SRBD1: variants seen among roughly 807,000 people sequenced by gnomAD.
The protein encoded by SRBD1 is S1 RNA binding domain 1, also known as S1 RNA-binding domain-containing protein 1.
A neutral mutation model predicts 115.3 loss-of-function variants in SRBD1; 88 were observed. The ratio of observed to expected loss-of-function variants is 0.76; its 90% CI spans 0.64 to 0.91. The LOEUF (loss-of-function observed/expected upper bound fraction) is 0.91, where lower values mean the gene tolerates loss of function less well. Ranked by LOEUF, SRBD1 falls within the 40% of genes least tolerant of loss-of-function variation. The pLI, the probability that SRBD1 is intolerant of heterozygous loss-of-function variation, is 0.00. For missense variants in SRBD1, 1,385 were observed against 1,177.4 expected (o/e 1.18, Z -2.58); for synonymous variants, 509 against 407.7 (o/e 1.25, Z -2.99).
At chr2:45,422,967 G>A (rs781400572) in intron 16 of SRBD1, among the ~76,000 whole-genome samples, 1 of 152,166 alleles carries the variant, frequency 6.6e-6, no homozygotes, top group Non-Finnish European at 1.5e-5. Context: ...TGGAAGTGTT[G>A]ATAGTGACAA....
intron 16 of SRBD1, among the ~76,000 whole-genome samples, chr2:45,466,173 G>C (rs1669481528): frequency 6.6e-6 from 1 of 152,136 alleles, no homozygotes; most frequent in Non-Finnish European, 1.5e-5. Context: ...TGTGTTGAGG[G>C]AGCAGTTAGC....
intron 16 of SRBD1, among the ~76,000 whole-genome samples, chr2:45,420,803 A>AGAT (rs1337802010): frequency 1.3e-5 from 2 of 152,212 alleles, no homozygotes; most frequent in African/African-American, 4.8e-5. Context: ...TTCAAGCTTC[A>AGAT]GATGCACATT....
chr2:45,571,216 T>A (rs943361024), intron 9 of SRBD1, among the ~76,000 whole-genome samples: 1 of 152,068 alleles, frequency 6.6e-6, no homozygotes, highest in African/African-American at 2.4e-5. Context: ...AGTGCCAATC[T>A]GCAAAGTCTG....
Position 45,605,417 on chromosome 2 carries a change from T to C in SRBD1, c.25A>G (p.Lys9Glu), listed in dbSNP as rs768532683. The C allele has an allele frequency of 2.5e-6, 4 of 1,613,692 alleles. No homozygotes were observed. Among genetic ancestry groups the C allele is most frequent in the Non-Finnish European group, 3.4e-6 (4 of 1,180,004 alleles). The change falls in exon 2 of 21, where the codon AAA becomes GAA. Residue 9 changes from lysine (K) to glutamate (E), a missense_variant. Lys to Glu is a moderately conservative substitution (Grantham distance 56). Transcript: ENST00000263736. Reference sequence around the variant, plus strand: ...AGTACCACATCCTGGACCTGTACTTTCGCTCTTCTTGGCAATGATGACATC... The same window carrying C: ...AGTACCACATCCTGGACCTGTACTTCCGCTCTTCTTGGCAATGATGACATC... MSSLPRRA[K>E]VQVQDVVLKD...
At chr2:45,394,357 T>C (rs1057073135) in intron 19 of SRBD1, among the ~76,000 whole-genome samples, 5 of 152,178 alleles carry the variant, frequency 3.3e-5, no homozygotes, top group African/African-American at 1.2e-4. Flanking sequence ...TGACATTCCT[T>C]GGCTGGGTAT....
At chr2:45,576,791 T>C (rs1346591954) in intron 7 of SRBD1, among the ~76,000 whole-genome samples, 1 of 152,114 alleles carries the variant, frequency 6.6e-6, no homozygotes, top group East Asian at 1.9e-4. Context: ...GATAACTCAA[T>C]AGTAAAGATG....
At chr2:45,409,515 C>CAA (rs59849294) in intron 19 of SRBD1, among the ~76,000 whole-genome samples, 18,159 of 117,602 alleles carry the variant, frequency 0.15, 1,476 homozygotes, top group African/African-American at 0.26. Context: ...TTGCAATAGG[C>CAA]AAAAAAAAAA....
At chr2:45,491,759 T>G (rs749738993) in intron 14 of SRBD1, among the ~76,000 whole-genome samples, 12 of 152,182 alleles carry the variant, frequency 7.9e-5, no homozygotes, top group Non-Finnish European at 1.3e-4. Context: ...ACCTACAATA[T>G]CAACGCATTC....
intron 16 of SRBD1, among the ~76,000 whole-genome samples, chr2:45,438,424 G>A (rs1387394379): frequency 1.3e-5 from 2 of 152,112 alleles, no homozygotes; most frequent in African/African-American, 4.8e-5. Context: ...AACCAAACTA[G>A]GATGACCCAG....
intron 16 of SRBD1, among the ~76,000 whole-genome samples, chr2:45,473,070 C>T (rs1572679008): frequency 2.0e-5 from 3 of 151,542 alleles, no homozygotes; most frequent in South Asian, 4.2e-4. Context: ...CTTTTAAATA[C>T]CTATTACTTA....
intron 14 of SRBD1, among the ~76,000 whole-genome samples, chr2:45,502,232 A>T (rs1164289843): frequency 6.6e-6 from 1 of 152,198 alleles, no homozygotes; most frequent in African/African-American, 2.4e-5. Flanking sequence ...AAGGGTCCTG[A>T]CTGTTAAAAG....
At chr2:45,537,477 T>C (rs1671799860) in intron 14 of SRBD1, among the ~76,000 whole-genome samples, 1 of 152,182 alleles carries the variant, frequency 6.6e-6, no homozygotes, top group Non-Finnish European at 1.5e-5. Context: ...ACTGTGCCTG[T>C]AACATAGTCT....
chr2:45,436,322 C>A (rs945007035), intron 16 of SRBD1, among the ~76,000 whole-genome samples: 18 of 152,068 alleles, frequency 1.2e-4, no homozygotes, highest in Non-Finnish European at 7.4e-5. Flanking sequence ...TGGTAAGAAA[C>A]CAGAATATTT....
chr2:45,519,429 C>T (rs1352783129), intron 14 of SRBD1, among the ~76,000 whole-genome samples: 2 of 152,116 alleles, frequency 1.3e-5, no homozygotes, highest in African/African-American at 4.8e-5. Flanking sequence ...GTTCATCTGG[C>T]CTGTTAACGC....
chr2:45,493,324 T>C (rs769501071), intron 14 of SRBD1, among the ~76,000 whole-genome samples: 2 of 152,198 alleles, frequency 1.3e-5, no homozygotes, highest in Non-Finnish European at 2.9e-5. Context: ...ATCAAAAGAA[T>C]AGCTGTTTGT....
chr2:45,519,176 A>C (rs528351765), intron 14 of SRBD1, among the ~76,000 whole-genome samples: 1 of 152,302 alleles, frequency 6.6e-6, no homozygotes, highest in East Asian at 1.9e-4. Flanking sequence ...AGGGCACTAA[A>C]AAAGAAAACA....
At chr2:45,487,764 C>T (rs761404926) in intron 15 of SRBD1, among the ~76,000 whole-genome samples, 9 of 152,132 alleles carry the variant, frequency 5.9e-5, no homozygotes, top group Non-Finnish European at 8.8e-5. Context: ...AAGCAATTCC[C>T]TGTCTCAGCC....
chr2:45,399,876 T>C (rs1168231428), intron 19 of SRBD1, among the ~76,000 whole-genome samples: 2 of 152,114 alleles, frequency 1.3e-5, no homozygotes, highest in Non-Finnish European at 2.9e-5. Context: ...AGCCATAATG[T>C]GGATTAGTGC....
rs766583703 is a variant in SRBD1 at position 45,413,267 on chromosome 2, A to T, written c.2360T>A (p.Ile787Asn). 48 of 1,613,616 alleles carry T rather than the reference A, an allele frequency of 3.0e-5. 1 individual carries two copies. In the South Asian group the frequency reaches 5.2e-4, roughly 17 times the overall value. ...CSQQTETSGQ[I>N]QGVAVTSSAD... ...TGAAGATGTCACAGCAACTCCTTGAATTTGGCCTGAAGTTTCAGTTTGCTG... is the reference window on the plus strand; with the variant it reads ...TGAAGATGTCACAGCAACTCCTTGATTTTGGCCTGAAGTTTCAGTTTGCTG... Residue 787 changes from isoleucine to asparagine, a missense_variant, in exon 19 of 21, where the codon ATT becomes AAT. Ile to Asn is a moderately radical substitution (Grantham distance 149). Transcript: ENST00000263736.
Sources: allele counts gnomAD v4.1 joint callset (sites outside exome capture counted in the v4.1 genomes callset), GRCh38; gene constraint gnomAD v4.1.1; transcripts MANE v1.5; gene names NCBI Gene and HGNC (gene_info 2026-07-23, HGNC 2026-07-21).